ABCA7: variants seen among roughly 807,000 people sequenced by gnomAD.
ABCA7 encodes the protein ATP binding cassette subfamily A member 7.
A neutral mutation model predicts 227.6 loss-of-function variants in ABCA7; 261 were observed. The observed-to-expected ratio is 1.15, with a 90% CI of 1.04 to 1.27. ABCA7 has a LOEUF of 1.27. Among genes scored for constraint, ABCA7 ranks in the 50% most tolerant of loss-of-function variants. The pLI is 0.00. For missense variants in ABCA7, 3,331 were observed against 2,924.5 expected (o/e 1.14, Z -3.21); for synonymous variants, 1,488 against 1,279.7 (o/e 1.16, Z -3.47).
chr19:1,053,728 C>T (rs1179826043), intron 24 of ABCA7, 60 bp from the exon 25 acceptor site: 3 of 1,565,214 alleles, frequency 1.9e-6, no homozygotes, highest in Non-Finnish European at 2.6e-6. Context: ...GTGGGGGGCT[C>T]ACAAGCCCCC....
rs757568679 is a variant in ABCA7, at chr19:1,057,067, A to G, written c.4747A>G (p.Asn1583Asp). The G allele has an allele frequency of 1.9e-6, 3 of 1,612,966 alleles. No individual in the cohort carries two copies. The highest frequency in any genetic ancestry group is 2.5e-6 in the Non-Finnish European group (3 of 1,179,770). The change falls in exon 34 of 47, where the codon AAC becomes GAC. Residue 1583 changes from asparagine to aspartate, a missense_variant. Physicochemically the swap from Asn to Asp is conservative, Grantham distance 23 (BLOSUM62 1). Transcript: ENST00000263094. The part of the protein sequence containing the change: ...GLSPTLYWLG[N>D]FLWDMCNYLV... ...GTCCCCCACCCTCTACTGGCTTGGC[A>G]ACTTTCTCTGGGACATGGTGCGGGG...
rs1348650979 is a variant in ABCA7 at position 1,058,841 on chromosome 19, AC to A, written c.5302del (p.Leu1768SerfsTer9). The stretch of plus-strand genomic sequence containing the variant: ...CCAGGCCCAGGGTGAGGTCTCTGCC[AC>A]TCCTGGGAGAGGAGGACGAGGATGT... ...LPQPRVRSLP[L>X]LGEEDEDVAR... On this transcript the variant is annotated frameshift_variant, in exon 39 of 47. Coordinates refer to ENST00000263094, the MANE Select transcript of ABCA7 (RefSeq NM_019112.4). LOFTEE classifies it high-confidence loss of function. 9 of 1,575,592 alleles carry A rather than the reference AC, an allele frequency of 5.7e-6. No individual in the cohort carries two copies. The Admixed American group carries it at 1.6e-4, about 28-fold the overall frequency.
In ABCA7 at chr19:1,061,390, C is replaced by CAAAAAAAAAA. The variant is rs978850571; in HGVS notation, c.5464-379_5464-370dup. 2.1e-3 allele frequency among the ~76,000 whole-genome samples: 78 copies of CAAAAAAAAAA among 36,904 alleles called. 9 individuals are homozygous for CAAAAAAAAAA. Among genetic ancestry groups the CAAAAAAAAAA allele is most frequent in the African/African-American group, 0.011 (76 of 7,068 alleles). The allele number at this position is 36,904 out of a possible 152,430, so 24.2% of individuals were successfully genotyped here. A position where few individuals can be genotyped will look rare whatever the true frequency, so the allele number is the denominator to read the frequency against. On this transcript the variant is annotated intron_variant, in intron 40 of 46. Transcript: ENST00000263094. ...GGGGTGACACAGCAAGGCTCCGTCT[C>CAAAAAAAAAA]AAAAAAAAAAAAAAAAAAAAAAGAG...
Position 1,065,291 on chromosome 19 carries a change from G to A in ABCA7, c.6307G>A (p.Asp2103Asn). 1 of 1,613,444 alleles carries A rather than the reference G, an allele frequency of 6.2e-7. No homozygotes were observed. Among genetic ancestry groups the A allele is most frequent in the Non-Finnish European group, 8.5e-7 (1 of 1,179,982 alleles). ...CTAGGTATTCTTGTACTTCTCCAAG[G>A]ACCAGGGGAAGGACGAGGACACCGA... ...LEEVFLYFSK[D>N]QGKDEDTEEQ... The change falls in exon 47 of 47, where the codon GAC becomes AAC. Residue 2103 changes from aspartate to asparagine, a missense_variant. By Grantham distance (23) the Asp-to-Asn change is conservative. Transcript: ENST00000263094.
In ABCA7 at chr19:1,058,697, C is replaced by T. The variant is rs776571666; in HGVS notation, c.5229C>T (p.Leu1743=). ...NLLAMVIQGP[L]FLLFTLLLQH... is the part of the protein sequence containing the mutation. The stretch of plus-strand genomic sequence containing the variant: ...TGGCCATGGTGATACAGGGGCCCCT[C>T]TTCCTTCTCTTCACACTACTGCTGC... Residue 1743 remains leucine (L), a synonymous_variant, in exon 38 of 47, where the codon CTC becomes CTT. Transcript: ENST00000263094. 5 of 1,613,908 alleles carry T rather than the reference C, an allele frequency of 3.1e-6. No individual in the cohort carries two copies. The African/African-American group carries it at 5.3e-5, about 17-fold the overall frequency.
intron 9 of ABCA7, 57 bp from the exon 10 acceptor site, chr19:1,043,657 GGGGCAGGGGGT>G (rs2040284109): frequency 2.6e-6 from 4 of 1,562,444 alleles, no homozygotes; most frequent in Non-Finnish European, 3.5e-6. Flanking sequence ...CAAGGCAGAG[GGGGCAGGGGGT>G]GGGCAGGGGT....
chr19:1,054,233 C>A lies in ABCA7; in HGVS notation c.3618C>A (p.Asp1206Glu), dbSNP rs150120455. 3 of 1,608,122 alleles carry A rather than the reference C, an allele frequency of 1.9e-6. No homozygotes were observed. Among genetic ancestry groups the A allele is most frequent in the Non-Finnish European group, 1.7e-6 (2 of 1,177,452 alleles). Reference sequence around the variant, plus strand: ...AGACTGACCAGGGCTCTGGGCCAGACGCCGTGGGCCGGGTACAGGGCTGGG... The same window carrying A: ...AGACTGACCAGGGCTCTGGGCCAGAAGCCGTGGGCCGGGTACAGGGCTGGG... ...APETDQGSGP[D>E]AVGRVQGWAL... is the part of the protein sequence containing the mutation. The change falls in exon 27 of 47, where the codon GAC (aspartate) becomes GAA (glutamate). Residue 1206 changes from aspartate to glutamate, a missense_variant. Transcript: ENST00000263094. This position sits in a 1 kb window ranked among gnomAD's most constrained non-coding sequence, Gnocchi z 4.8.
At position 1,047,206 on chromosome 19, in the gene ABCA7, T is replaced by A; in HGVS notation, c.1895T>A (p.Leu632Ter). The part of the protein sequence containing the change: ...YSHPGVVFLF[L>*]AAFAVATVTQ... The stretch of plus-strand genomic sequence containing the variant: ...CACCCGGGCGTGGTCTTCCTGTTCT[T>A]GGCAGCCTTCGCGGTGGCCACGGTG... Residue 632 changes from leucine to a stop codon, truncating the protein, a stop_gained, in exon 15 of 47, where the codon TTG becomes TAG. Transcript: ENST00000263094. LOFTEE classifies it high-confidence loss of function. The A allele has an allele frequency of 2.5e-6, 4 of 1,609,544 alleles. No homozygotes were observed. The highest frequency in any genetic ancestry group is 3.4e-6 in the Non-Finnish European group (4 of 1,179,562).
chr19:1,059,035 C>T lies in ABCA7; in HGVS notation c.5413C>T (p.Gln1805Ter), dbSNP rs1399456519. The T allele has an allele frequency of 1.9e-6, 3 of 1,613,766 alleles. No individual in the cohort carries two copies. The African/African-American group carries it at 4.0e-5, about 22-fold the overall frequency. The part of the protein sequence containing the change: ...LRNLTKVYRG[Q>*]RMPAVDRLCL... ...TGCACTCTCCCAGGTATACCGTGGG[C>T]AGAGGATGCCAGCTGTTGACCGCTT... Residue 1805 changes from glutamine to a stop codon, truncating the protein, a stop_gained, in exon 40 of 47, where the codon CAG (glutamine) becomes TAG (stop). Transcript: ENST00000263094. LOFTEE classifies it high-confidence loss of function.
chr19:1,064,714 CTA>C (rs1262220128), intron 45 of ABCA7: 9 of 751,444 alleles, frequency 1.2e-5, no homozygotes, highest in Non-Finnish European at 1.6e-5. Context: ...GACCCCATCT[CTA>C]TAAAAAATTT....
rs1440194681 is a variant in ABCA7 at position 1,047,309 on chromosome 19, C to T, written c.1998C>T (p.Ser666=). Residue 666 remains serine (S), a synonymous_variant, in exon 15 of 47, where the codon TCC becomes TCT. Coordinates refer to ENST00000263094, the MANE Select transcript of ABCA7 (RefSeq NM_019112.4). The part of the protein sequence containing the change: ...AAACGGLAYF[S]LYLPYVLCVA... ...CCTGCGGCGGCCTGGCCTACTTCTC[C>T]CTCTACCTGCCCTACGTGCTGTGTG... 6.2e-7 allele frequency: 1 copy of T among 1,603,826 alleles called. No individual in the cohort carries two copies. Among genetic ancestry groups the T allele is most frequent in the Non-Finnish European group, 8.5e-7 (1 of 1,178,874 alleles).
intron 12 of ABCA7, 84 bp downstream of exon 12, chr19:1,045,315 T>G (rs981604442): frequency 3.1e-6 from 4 of 1,284,960 alleles, no homozygotes; most frequent in Non-Finnish European, 4.3e-6. Context: ...ATTCAGCCTA[T>G]TGGAGACCAT....
chr19:1,063,443 T>TG lies in ABCA7; in HGVS notation c.5713-101_5713-100insG. ...CACATTTGCCCTGCCCCATGCCCAT[T>TG]ATGCCCCTGCTCCACACTCAATGCT... On this transcript the variant is annotated intron_variant, in intron 42 of 46. Transcript: ENST00000263094. 2.0e-6 allele frequency: 3 copies of TG among 1,485,688 alleles called. 1 individual carries two copies. The highest frequency in any genetic ancestry group is 2.7e-6 in the Non-Finnish European group (3 of 1,102,818). The allele number at this position is 1,485,688 out of a possible 1,614,324, so 92.0% of individuals were successfully genotyped here. A position where few individuals can be genotyped will look rare whatever the true frequency, so the allele number is the denominator to read the frequency against.
At chr19:1,047,420 T>A (rs1325452136) in intron 15 of ABCA7, 33 bp from the exon 16 acceptor site, 1 of 1,539,132 alleles carries the variant, frequency 6.5e-7, no homozygotes, top group Admixed American at 1.9e-5. Context: ...GCCCCCCGCT[T>A]CGGCCGCTCA....
intron 1 of ABCA7, among the ~76,000 whole-genome samples, chr19:1,040,663 G>A (rs1171634178): frequency 1.3e-5 from 2 of 152,154 alleles, no homozygotes; most frequent in African/African-American, 4.8e-5. Flanking sequence ...GACTCCAGGA[G>A]TCTCTATCCC....
At chr19:1,047,799 AGGTG>A in intron 16 of ABCA7, 145 bp downstream of exon 16, 1 of 639,234 alleles carries the variant, frequency 1.6e-6, no homozygotes, top group Non-Finnish European at 2.3e-6. Context: ...ACACGCATGC[AGGTG>A]GCTGCATTGG....
At position 1,041,853 on chromosome 19, in the gene ABCA7, G is replaced by T. The variant is rs3764644; in HGVS notation, c.183G>T (p.Leu61=). The T allele has an allele frequency of 0.045, 72,968 of 1,604,722 alleles. 2,185 individuals are homozygous for T. Among genetic ancestry groups the T allele is most frequent in the African/African-American group, 0.13 (9,813 of 75,014 alleles). Residue 61 remains leucine, a synonymous_variant, in exon 4 of 47, where the codon CTG becomes CTT. Coordinates refer to ENST00000263094, the MANE Select transcript of ABCA7 (RefSeq NM_019112.4). ...CAGGCCACTTCCCAAACAAGCCACT[G>T]CCATCGGCGGGCACCGTGCCCTGGC... ...HHECHFPNKP[L]PSAGTVPWLQ...
chr19:1,065,428 C>T lies in ABCA7; in HGVS notation c.*3C>T. 1 of 1,612,898 alleles carries T rather than the reference C, an allele frequency of 6.2e-7. No homozygotes were observed. The highest frequency in any genetic ancestry group is 1.3e-5 in the African/African-American group (1 of 75,058). On this transcript the variant is annotated 3_prime_UTR_variant, in exon 47 of 47. Transcript: ENST00000263094. ...GCACTGCCGAGACTGTGCTCTGAGCCTCCCTCCCCTGCGGGGCCGCGGGGA... is the reference window on the plus strand; with the variant it reads ...GCACTGCCGAGACTGTGCTCTGAGCTTCCCTCCCCTGCGGGGCCGCGGGGA...
intron 42 of ABCA7, among the ~76,000 whole-genome samples, chr19:1,062,671 C>A (rs2042739793): frequency 6.6e-6 from 1 of 151,994 alleles, no homozygotes; most frequent in African/African-American, 2.4e-5. Context: ...GTCACGGTCA[C>A]ATTCTCACTC....
Sources: gnomAD v4.1 joint callset for allele counts (sites outside exome capture counted in the v4.1 genomes callset) on GRCh38, gnomAD v4.1.1 for gene constraint, Gnocchi (gnomAD v3.1) non-coding constraint, MANE v1.5 for transcripts, NCBI Gene and HGNC (gene_info 2026-07-23, HGNC 2026-07-21) for gene names.